Variants in EBF2 observed in about 807,000 individuals in gnomAD.
EBF2 encodes the protein transcription factor COE2.
A neutral mutation model predicts 72.8 loss-of-function variants in EBF2; 21 were observed. The ratio of observed to expected loss-of-function variants is 0.29; its 90% CI spans 0.20 to 0.42. The LOEUF is 0.42. EBF2 is among the 10% of genes least tolerant of loss of function. EBF2 has a pLI of 1.00. For missense variants in EBF2, 637 were observed against 731.2 expected (o/e 0.87, Z 1.49); for synonymous variants, 299 against 274.2 (o/e 1.09, Z -0.89).
At chr8:25,944,104 A>G (rs1803725249) in intron 6 of EBF2, among the ~76,000 whole-genome samples, 1 of 152,206 alleles carries the variant, frequency 6.6e-6, no homozygotes, top group Admixed American at 6.5e-5. Context: ...AAGTTATGCT[A>G]AGCACTTGTG....
At chr8:26,024,037 CCT>C (rs1438995614) in intron 6 of EBF2, among the ~76,000 whole-genome samples, 1 of 152,118 alleles carries the variant, frequency 6.6e-6, no homozygotes, top group Non-Finnish European at 1.5e-5. Context: ...CATATAAAGT[CCT>C]CCAAAATCTG....
chr8:25,954,572 G>A (rs1803913336), intron 6 of EBF2, among the ~76,000 whole-genome samples: 9 of 152,236 alleles, frequency 5.9e-5, no homozygotes. Context: ...GGCCTTCAGT[G>A]AAGGGAATCA....
At chr8:25,905,221 C>G (rs1053918469) in intron 7 of EBF2, among the ~76,000 whole-genome samples, 2 of 152,132 alleles carry the variant, frequency 1.3e-5, no homozygotes, top group Admixed American at 6.5e-5. Flanking sequence ...GAATTGACAC[C>G]TTCACAGATT....
chr8:25,926,846 T>G (rs1803396257), intron 6 of EBF2, among the ~76,000 whole-genome samples: 1 of 152,220 alleles, frequency 6.6e-6, no homozygotes, highest in African/African-American at 2.4e-5. Context: ...CCTGAAGATC[T>G]GAGCAAAGGA....
At chr8:25,887,220 G>C (rs7817886) in intron 9 of EBF2, among the ~76,000 whole-genome samples, 12,317 of 151,550 alleles carry the variant, frequency 0.081, 664 homozygotes, top group South Asian at 0.17. Flanking sequence ...ACAAGCCCAG[G>C]CCAAGTCCCT....
At chr8:25,890,719 A>T (rs1802763003) in intron 7 of EBF2, among the ~76,000 whole-genome samples, 1 of 152,210 alleles carries the variant, frequency 6.6e-6, no homozygotes, top group Non-Finnish European at 1.5e-5. Context: ...AACCTTTCTG[A>T]GCACTGACAT....
intron 7 of EBF2, among the ~76,000 whole-genome samples, chr8:25,892,359 C>G (rs779104090): frequency 3.9e-5 from 6 of 152,158 alleles, no homozygotes; most frequent in Non-Finnish European, 8.8e-5. Context: ...TACCACCACC[C>G]ACTCCCAACC....
intron 14 of EBF2, among the ~76,000 whole-genome samples, chr8:25,857,883 G>A (rs1802126045): frequency 6.6e-6 from 1 of 152,192 alleles, no homozygotes; most frequent in Non-Finnish European, 1.5e-5. Flanking sequence ...CTAGCTATGT[G>A]ATCTTGATTA....
intron 6 of EBF2, among the ~76,000 whole-genome samples, chr8:26,004,734 C>T (rs886614713): frequency 1.1e-4 from 16 of 146,190 alleles, no homozygotes; most frequent in Admixed American, 2.7e-4. Flanking sequence ...TTTCATAATG[C>T]TGTCTATAAA....
chr8:25,983,563 T>C (rs1314482050), intron 6 of EBF2, among the ~76,000 whole-genome samples: 24 of 152,114 alleles, frequency 1.6e-4, no homozygotes, highest in Admixed American at 1.6e-3. Context: ...GGGAACTAAT[T>C]TGGGACTGGG....
At chr8:25,847,941 C>T (rs935199419) in intron 15 of EBF2, among the ~76,000 whole-genome samples, 2 of 152,040 alleles carry the variant, frequency 1.3e-5, no homozygotes, top group African/African-American at 2.4e-5. Context: ...TAAGGTAACT[C>T]GTGCGCCGAA....
chr8:25,844,973 T>C (rs1401631308), intron 15 of EBF2, among the ~76,000 whole-genome samples: 1 of 152,218 alleles, frequency 6.6e-6, no homozygotes, highest in Non-Finnish European at 1.5e-5. Context: ...CATATTTTTT[T>C]ATTCAACTAA....
intron 6 of EBF2, among the ~76,000 whole-genome samples, chr8:25,921,090 A>T (rs1319242710): frequency 6.6e-6 from 1 of 152,170 alleles, no homozygotes; most frequent in Non-Finnish European, 1.5e-5. Flanking sequence ...AAAGGAAAAA[A>T]GAAAGCACCT....
intron 7 of EBF2, among the ~76,000 whole-genome samples, chr8:25,905,177 TTTTTTAAAACAGAAAATCCC>T (rs1803014490): frequency 6.6e-6 from 1 of 152,154 alleles, no homozygotes; most frequent in South Asian, 2.1e-4. Flanking sequence ...TGACTAGAAT[TTTTTTAAAACAGAAAATCCC>T]AAGTGTTGGC....
At chr8:25,971,990 G>A (rs1453724364) in intron 6 of EBF2, among the ~76,000 whole-genome samples, 2 of 152,140 alleles carry the variant, frequency 1.3e-5, no homozygotes, top group Admixed American at 6.5e-5. Flanking sequence ...GTCCTGCTGC[G>A]GCAAATAAAG....
chr8:25,896,287 A>G (rs1349997751), intron 7 of EBF2, among the ~76,000 whole-genome samples: 1 of 152,172 alleles, frequency 6.6e-6, no homozygotes, highest in Non-Finnish European at 1.5e-5. Flanking sequence ...CATTAGTCAG[A>G]CACAGTTCCC....
intron 10 of EBF2, among the ~76,000 whole-genome samples, chr8:25,878,303 A>G (rs896892386): frequency 6.6e-6 from 1 of 152,200 alleles, no homozygotes; most frequent in African/African-American, 2.4e-5. Flanking sequence ...ACTGTCCTGC[A>G]GTGAAGCACT....
chr8:25,958,976 C>T (rs377642048), intron 6 of EBF2, among the ~76,000 whole-genome samples: 5 of 152,156 alleles, frequency 3.3e-5, no homozygotes, highest in South Asian at 2.1e-4. Context: ...CAAAGCTGAA[C>T]GGCTGCTGTC....
intron 6 of EBF2, among the ~76,000 whole-genome samples, chr8:26,000,862 TAACCCAATAAATAAA>T (rs1441335094): frequency 6.6e-6 from 1 of 152,186 alleles, no homozygotes; most frequent in Middle Eastern, 3.2e-3. Flanking sequence ...GCCGAAGAGC[TAACCCAATAAATAAA>T]GGAAAATCGT....
Sources: allele counts gnomAD v4.1 joint callset (sites outside exome capture counted in the v4.1 genomes callset), GRCh38; gene constraint gnomAD v4.1.1; transcripts MANE v1.5; gene names NCBI Gene and HGNC (gene_info 2026-07-23, HGNC 2026-07-21).